ZNF438: variants seen among roughly 807,000 people sequenced by gnomAD.
ZNF438 encodes zinc finger protein 438.
ZNF438 carries 25 observed loss-of-function variants against 38.0 expected under a neutral mutation model. The observed-to-expected ratio is 0.66, with a 90% CI of 0.48 to 0.92. ZNF438 has a LOEUF of 0.92. Among genes scored for constraint, ZNF438 ranks in the 40% least tolerant of loss-of-function variants. ZNF438 has a pLI of 0.00. For missense variants in ZNF438, 1,007 were observed against 999.6 expected (o/e 1.01, Z -0.10); for synonymous variants, 372 against 364.1 (o/e 1.02, Z -0.25).
intron 4 of ZNF438, among the ~76,000 whole-genome samples, chr10:30,868,281 G>T (rs1177755034): frequency 6.6e-6 from 1 of 151,978 alleles, no homozygotes; most frequent in African/African-American, 2.4e-5. Context: ...ATGTTGGATA[G>T]GCTGGTTTTG....
In ZNF438 at chr10:30,903,660, C is replaced by CT. The variant is rs1352476796; in HGVS notation, c.-32+5272dup. ...ACGGGACTTTTGCTTGTGTTTATTACTGCTTGAGGTTGAGCCTTTTGAGTA... is the reference window on the plus strand; with the variant it reads ...ACGGGACTTTTGCTTGTGTTTATTACTTGCTTGAGGTTGAGCCTTTTGAGTA... On this transcript the variant is annotated intron_variant, in intron 3 of 5. Coordinates refer to ENST00000413025, the Ensembl canonical transcript of ZNF438. Among the ~76,000 whole-genome samples the CT allele has an allele frequency of 3.9e-5, 6 of 152,168 alleles. No individual in the cohort carries two copies. The East Asian group carries it at 1.2e-3, about 29-fold the overall frequency.
At chr10:31,019,960 C>T (rs1337384254) in intron 1 of ZNF438, among the ~76,000 whole-genome samples, 1 of 152,110 alleles carries the variant, frequency 6.6e-6, no homozygotes, top group East Asian at 1.9e-4. Flanking sequence ...ACCCATTATA[C>T]CAGCAAAGAC....
At chr10:30,872,570 G>C (rs1028448718) in intron 4 of ZNF438, among the ~76,000 whole-genome samples, 1 of 149,232 alleles carries the variant, frequency 6.7e-6, no homozygotes, top group Non-Finnish European at 1.5e-5. Flanking sequence ...CTAACATGGT[G>C]AAACCCCGTC....
rs2040537640 is a variant in ZNF438, at chr10:30,890,411, T to A, written c.-31-13346A>T. Among the ~76,000 whole-genome samples, 4 of 152,336 alleles carry A rather than the reference T, an allele frequency of 2.6e-5. No homozygotes were observed. The South Asian group carries it at 8.3e-4, about 32-fold the overall frequency. On this transcript the variant is annotated intron_variant, in intron 3 of 5. Transcript: ENST00000413025. ...ACAATTGCAAATTTATATTTTTAAT[T>A]CCCAGGTTCCAGGGTGAAATGTTCT...
intron 1 of ZNF438, among the ~76,000 whole-genome samples, chr10:30,976,419 G>A (rs148127950): frequency 2.1e-3 from 323 of 152,298 alleles, no homozygotes; most frequent in Non-Finnish European, 3.4e-3. Flanking sequence ...CAATATCAAT[G>A]TCAGCTAAAA....
intron 4 of ZNF438, among the ~76,000 whole-genome samples, chr10:30,856,716 C>T (rs1477498723): frequency 6.6e-6 from 1 of 152,200 alleles, no homozygotes; most frequent in African/African-American, 2.4e-5. Context: ...ACAGGACTCT[C>T]AGGTACTAAA....
intron 1 of ZNF438, among the ~76,000 whole-genome samples, chr10:30,987,838 C>A (rs1290198776): frequency 6.6e-6 from 1 of 151,988 alleles, no homozygotes; most frequent in African/African-American, 2.4e-5. Context: ...CCTTCCGAAC[C>A]GGGAGAAATG....
intron 3 of ZNF438, among the ~76,000 whole-genome samples, chr10:30,883,595 A>G (rs1047636359): frequency 2.0e-5 from 3 of 152,190 alleles, no homozygotes; most frequent in African/African-American, 7.2e-5. Context: ...TTATTGCCAT[A>G]TGCTGTGGCT....
intron 2 of ZNF438, chr10:30,919,151 C>T (rs951252371): frequency 1.3e-5 from 2 of 152,102 alleles, no homozygotes; most frequent in African/African-American, 4.8e-5. Context: ...TCCTTTTCTT[C>T]CTTCTATGGG....
chr10:30,849,726 C>T (rs1342639700), exon 5 of ZNF438: 1 of 1,614,132 alleles, frequency 6.2e-7, no homozygotes, highest in Non-Finnish European at 8.5e-7. Flanking sequence ...TTGGCAGGCT[C>T]CTCTGGTGTG....
At chr10:30,877,633 T>C (rs947667653) in intron 3 of ZNF438, among the ~76,000 whole-genome samples, 2 of 152,186 alleles carry the variant, frequency 1.3e-5, no homozygotes, top group Non-Finnish European at 2.9e-5. Context: ...GAAGAAAATA[T>C]GTCAATATAT....
intron 1 of ZNF438, among the ~76,000 whole-genome samples, chr10:30,963,347 G>A (rs1333108579): frequency 2.9e-5 from 4 of 137,636 alleles, no homozygotes; most frequent in Non-Finnish European, 6.0e-5. Context: ...AGCCGAGATC[G>A]TGATACTGCA....
chr10:30,974,261 C>T (rs1051841674), intron 1 of ZNF438, among the ~76,000 whole-genome samples: 4 of 152,188 alleles, frequency 2.6e-5, no homozygotes, highest in African/African-American at 9.6e-5. Flanking sequence ...AGGAGGATTG[C>T]TTGAGACCAA....
chr10:30,873,863 C>G (rs1052534335), intron 4 of ZNF438, among the ~76,000 whole-genome samples: 1 of 151,976 alleles, frequency 6.6e-6, no homozygotes, highest in African/African-American at 2.4e-5. Context: ...CCTCACAACT[C>G]TGTTGGTGAT....
At chr10:30,886,648 T>C (rs1175738044) in intron 3 of ZNF438, among the ~76,000 whole-genome samples, 3 of 152,228 alleles carry the variant, frequency 2.0e-5, no homozygotes, top group Admixed American at 1.3e-4. Context: ...ATGTAATTTA[T>C]TGAATACTGT....
intron 1 of ZNF438, among the ~76,000 whole-genome samples, chr10:30,965,868 A>G (rs1475497298): frequency 6.6e-6 from 1 of 152,208 alleles, no homozygotes; most frequent in Non-Finnish European, 1.5e-5. Context: ...GCATCACACA[A>G]TATACTCATG....
At chr10:30,866,346 A>C (rs1320239036) in intron 4 of ZNF438, among the ~76,000 whole-genome samples, 1 of 152,222 alleles carries the variant, frequency 6.6e-6, no homozygotes, top group Non-Finnish European at 1.5e-5. Flanking sequence ...GAATGAACAT[A>C]TTAAGACTTG....
chr10:30,847,060 G>A (rs1390673624), intron 5 of ZNF438, among the ~76,000 whole-genome samples: 2 of 152,182 alleles, frequency 1.3e-5, no homozygotes, highest in Non-Finnish European at 2.9e-5. Context: ...CAGCCTGCAG[G>A]TGCCCCCTCA....
chr10:30,922,296 A>G (rs1379453326), intron 2 of ZNF438, among the ~76,000 whole-genome samples: 1 of 152,158 alleles, frequency 6.6e-6, no homozygotes, highest in East Asian at 1.9e-4. Flanking sequence ...TACTTAATCT[A>G]TATTAGAATT....
Sources: gnomAD v4.1 joint callset for allele counts (sites outside exome capture counted in the v4.1 genomes callset) on GRCh38, gnomAD v4.1.1 for gene constraint, MANE v1.5 for transcripts, NCBI Gene and HGNC (gene_info 2026-07-23, HGNC 2026-07-21) for gene names.